Variants in RGS11 observed in about 807,000 individuals in gnomAD.
RGS11 encodes regulator of G protein signaling 11.
A neutral mutation model predicts 71.1 loss-of-function variants in RGS11; 86 were observed. The ratio of observed to expected loss-of-function variants is 1.21; its 90% confidence interval spans 1.02 to 1.45. RGS11 has a LOEUF of 1.45. RGS11 is among the 40% of genes most tolerant of loss of function. The pLI is 0.00. For synonymous variants in RGS11, 298 were observed against 254.2 expected (o/e 1.17, Z -1.64); for missense variants, 734 against 635.1 (o/e 1.16, Z -1.67).
intron 9 of RGS11, chr16:272,459 C>T: frequency 1.5e-6 from 2 of 1,325,204 alleles, no homozygotes; most frequent in Non-Finnish European, 2.0e-6. Flanking sequence ...CAGATGCTCC[C>T]TCTGGTCTGG....
chr16:271,491 G>A (rs370501221), intron 10 of RGS11, 31 bp from the exon 11 acceptor site: 199 of 1,613,966 alleles, frequency 1.2e-4, no homozygotes, highest in Middle Eastern at 3.3e-4. Flanking sequence ...GTCAGGTCCC[G>A]GGCTGGGGAA....
rs2052042109 is a variant in RGS11, at chr16:273,776, C to A, written c.490G>T (p.Ala164Ser). ...NHAWDLVLMQ[A>S]REQLRAAKQR... ...GGGCCTCACCTCAGCTGCTCCCTCG[C>A]CTGCATCAGCACCAGGTCCCATGCG... is the stretch of plus-strand genomic sequence containing the variant. The change falls in exon 7 of 17, where the codon GCG becomes TCG. Residue 164 changes from alanine (A) to serine (S), a missense_variant. Coordinates refer to ENST00000397770, the MANE Select transcript of RGS11 (RefSeq NM_183337.3). 6.2e-7 allele frequency: 1 copy of A among 1,612,986 alleles called. No homozygotes were observed. The highest frequency in any genetic ancestry group is 8.5e-7 in the Non-Finnish European group (1 of 1,179,946).
Position 274,220 on chromosome 16 carries a change from C to A in RGS11, c.364G>T (p.Asp122Tyr), listed in dbSNP as rs1174189264. 1.9e-6 allele frequency: 3 copies of A among 1,610,418 alleles called. No individual in the cohort carries two copies. The highest frequency in any genetic ancestry group is 2.2e-5 in the South Asian group (2 of 90,332). The change falls in exon 5 of 17, where the codon GAC becomes TAC. Residue 122 changes from aspartate to tyrosine, a missense_variant. Asp to Tyr is a radical substitution (Grantham distance 160, BLOSUM62 -3). Coordinates refer to ENST00000397770, the MANE Select transcript of RGS11 (RefSeq NM_183337.3). ...TSTLRPAAEL[D>Y]YAIYLAKKNI... ...CAGCCGTCCCCTTGCTCACCATAGTCCAGCTCTGCAGCCGGCCTCAGGGTA... is the reference window on the plus strand; with the variant it reads ...CAGCCGTCCCCTTGCTCACCATAGTACAGCTCTGCAGCCGGCCTCAGGGTA...
chr16:268,619 C>A lies in RGS11; in HGVS notation c.*650G>T, dbSNP rs902872120. On this transcript the variant is annotated 3_prime_UTR_variant, in exon 17 of 17. Coordinates refer to ENST00000397770, the MANE Select transcript of RGS11 (RefSeq NM_183337.3). Reference sequence around the variant, plus strand: ...GACAATGTCAGAGTTGTCTATAAATCGGGGGGGAGGCCGCGGCCTCGAGGT... The same window carrying A: ...GACAATGTCAGAGTTGTCTATAAATAGGGGGGGAGGCCGCGGCCTCGAGGT... 2.9e-6 allele frequency: 2 copies of A among 681,284 alleles called. No homozygotes were observed. Among genetic ancestry groups the A allele is most frequent in the Non-Finnish European group, 5.0e-6 (2 of 398,372 alleles). The allele number at this position is 681,284 out of a possible 1,614,324, so 42.2% of individuals were successfully genotyped here. A position where few individuals can be genotyped will look rare whatever the true frequency, so the allele number is the denominator to read the frequency against.
intron 7 of RGS11, 52 bp downstream of exon 7, chr16:273,708 G>T (rs892615371): frequency 1.3e-6 from 2 of 1,583,028 alleles, no homozygotes; most frequent in Non-Finnish European, 1.7e-6. Flanking sequence ...GGGCTTCCCG[G>T]GTAGCCTGGG....
Position 268,896 on chromosome 16 carries a change from G to A in RGS11, c.*373C>T, listed in dbSNP as rs1177546180. On this transcript the variant is annotated 3_prime_UTR_variant, in exon 17 of 17. Transcript: ENST00000397770. ...GCCCGCCTGTGCATCTTGCTTCCGG[G>A]TATTCGCTGGCTGATTTACTGGTTT... 4 of 1,550,562 alleles carry A rather than the reference G, an allele frequency of 2.6e-6. No individual in the cohort carries two copies. Among genetic ancestry groups the A allele is most frequent in the Non-Finnish European group, 1.7e-6 (2 of 1,146,978 alleles).
chr16:269,369 G>A lies in RGS11; in HGVS notation c.1304C>T (p.Thr435Met), dbSNP rs920288556. 6.2e-6 allele frequency: 10 copies of A among 1,602,962 alleles called. No individual in the cohort carries two copies. The highest frequency in any genetic ancestry group is 3.3e-5 in the South Asian group (3 of 89,700). ...GGGGCTCGAGTGCCGTGGCCTCCAC[G>A]TAAACGGGAACACGCTGTGGGCGAG... The part of the protein sequence containing the change: ...LEMKRRVFPF[T>M]WRPRHSSPSP... Residue 435 changes from threonine (T) to methionine (M), a missense_variant, in exon 17 of 17, where the codon ACG (threonine) becomes ATG (methionine). Thr to Met is a moderately conservative substitution (Grantham distance 81). Transcript: ENST00000397770.
At chr16:274,354 C>T in intron 4 of RGS11, 89 bp from the exon 5 acceptor site, 5 of 1,437,510 alleles carry the variant, frequency 3.5e-6, no homozygotes, top group Non-Finnish European at 4.8e-6. Context: ...TGGGAAGAAG[C>T]CTGGGCTGGG....
chr16:270,483 GA>G, intron 15 of RGS11, 39 bp downstream of exon 15: 1 of 1,566,196 alleles, frequency 6.4e-7, no homozygotes, highest in Non-Finnish European at 8.7e-7. Context: ...GCCCGTCTGG[GA>G]TGACCCCTCC....
chr16:269,640 GCTCCACCCGA>G lies in RGS11; in HGVS notation c.1207-65_1207-56del, dbSNP rs2051826068. On this transcript the variant is annotated intron_variant, in intron 15 of 16. Coordinates refer to ENST00000397770, the MANE Select transcript of RGS11 (RefSeq NM_183337.3). ...CTTCTGCCTCCTCACCTCTCAGCCA[GCTCCACCCGA>G]AGGAGCAGCCAAACATTGCTGGAGC... 2.2e-6 allele frequency: 3 copies of G among 1,356,806 alleles called. No homozygotes were observed. The East Asian group carries it at 6.9e-5, about 31-fold the overall frequency. 84.0% of individuals were successfully genotyped at this position (1,356,806 alleles called of 1,614,324 possible).
At chr16:275,130 G>C in intron 3 of RGS11, 48 bp from the exon 4 acceptor site, 1 of 1,499,216 alleles carries the variant, frequency 6.7e-7, no homozygotes, top group African/African-American at 1.4e-5. Context: ...AGCGGGCGAG[G>C]GCGGGACGAG....
At chr16:272,322 C>T (rs1231856444) in intron 9 of RGS11, 2 of 1,287,802 alleles carry the variant, frequency 1.6e-6, no homozygotes, top group South Asian at 1.2e-5. Flanking sequence ...CTCTGACCAG[C>T]TTTGTATGGG....
chr16:271,352 T>C, intron 11 of RGS11, 37 bp from the exon 12 acceptor site: 1 of 1,612,130 alleles, frequency 6.2e-7, no homozygotes, highest in Non-Finnish European at 8.5e-7. Flanking sequence ...AGGAGGGGCC[T>C]CAGCACTCAG....
chr16:275,885 G>A lies in RGS11; in HGVS notation c.27C>T (p.Pro9=), dbSNP rs1251932341. MAAGPAPP[P]GRPRAQMPHL... ...GCGGCATCTGCGCCCGGGGGCGGCC[G>A]GGGGGCGGCGCGGGGCCGGCGGCCA... The change falls in exon 1 of 17, where the codon CCC becomes CCT. Residue 9 remains proline (P), a synonymous_variant. Transcript: ENST00000397770. The A allele has an allele frequency of 1.1e-6, 1 of 932,600 alleles. No homozygotes were observed. Among genetic ancestry groups the A allele is most frequent in the Non-Finnish European group, 1.3e-6 (1 of 763,200 alleles). The allele number at this position is 932,600 out of a possible 1,614,324, so 57.8% of individuals were successfully genotyped here. A position where few individuals can be genotyped will look rare whatever the true frequency, so the allele number is the denominator to read the frequency against.
chr16:272,813 C>T, intron 9 of RGS11, 50 bp downstream of exon 9: 1 of 1,537,316 alleles, frequency 6.5e-7, no homozygotes, highest in Non-Finnish European at 8.7e-7. Context: ...CAGCAGGGTG[C>T]AGCCGGTGTG....
intron 9 of RGS11, chr16:272,016 A>G (rs1338164131): frequency 5.7e-6 from 2 of 352,496 alleles, no homozygotes; most frequent in South Asian, 4.1e-5. Context: ...TTGTATTTTT[A>G]ATAGAGACGG....
intron 9 of RGS11, chr16:272,282 G>A (rs1326024013): frequency 3.2e-6 from 4 of 1,252,758 alleles, no homozygotes; most frequent in East Asian, 5.7e-5. Flanking sequence ...AGGCGGACGC[G>A]CTGCGAGTCC....
chr16:269,674 GC>G, intron 15 of RGS11, 89 bp from the exon 16 acceptor site: 1 of 1,014,750 alleles, frequency 9.9e-7, no homozygotes, highest in Non-Finnish European at 1.5e-6. Flanking sequence ...CATTGCTGGA[GC>G]CTCCTCCAGC....
Position 270,630 on chromosome 16 carries a change from C to T in RGS11, c.1099G>A (p.Val367Ile), listed in dbSNP as rs77654034. The part of the protein sequence containing the change: ...QFLAPGAAHW[V>I]NIDSRTMEQT... ...TCCATGGTCCGGCTGTCGATGTTGA[C>T]CCAGTGGGCAGCTCCGGGGGCCAGG... Residue 367 changes from valine to isoleucine, a missense_variant, in exon 15 of 17, where the codon GTC (valine) becomes ATC (isoleucine). Physicochemically the swap from Val to Ile is conservative, Grantham distance 29. Coordinates refer to ENST00000397770, the MANE Select transcript of RGS11 (RefSeq NM_183337.3). 2.3e-3 allele frequency: 3,714 copies of T among 1,608,858 alleles called. 13 individuals carry two copies. Among genetic ancestry groups the T allele is most frequent in the Non-Finnish European group, 2.2e-3 (2,620 of 1,178,332 alleles).
Sources: gnomAD v4.1 joint callset for allele counts on GRCh38, gnomAD v4.1.1 for gene constraint, MANE v1.5 for transcripts, NCBI Gene and HGNC (gene_info 2026-07-23, HGNC 2026-07-21) for gene names.